Variants in NLGN4X observed in about 807,000 individuals in gnomAD.
NLGN4X encodes neuroligin 4 X-linked, also known as neuroligin-4, X-linked.
NLGN4X carries 3 observed loss-of-function variants against 40.3 expected under a neutral mutation model. The ratio of observed to expected loss-of-function variants is 0.07; its 90% CI spans 0.03 to 0.19. The LOEUF is 0.19. Ranked by LOEUF, NLGN4X falls within the 10% of genes least tolerant of loss-of-function variation. NLGN4X has a pLI of 1.00. For synonymous variants in NLGN4X, 270 were observed against 306.8 expected (o/e 0.88, Z 1.25); for missense variants, 382 against 708.3 (o/e 0.54, Z 5.23).
intron 1 of NLGN4X, among the ~76,000 whole-genome samples, chrX:6,210,634 A>G (rs376272104): frequency 8.9e-6 from 1 of 112,097 alleles, no homozygotes; most frequent in East Asian, 2.8e-4. Flanking sequence ...AAGACTGTGC[A>G]TTACGGAAAA....
At chrX:5,942,337 G>C (rs1414627184) in intron 3 of NLGN4X, among the ~76,000 whole-genome samples, 1 of 111,161 alleles carries the variant, frequency 9.0e-6, no homozygotes, top group Non-Finnish European at 1.9e-5. Context: ...GGGAGGAGTG[G>C]TTCACTAATT....
At chrX:6,063,525 T>C (rs762728702) in intron 2 of NLGN4X, among the ~76,000 whole-genome samples, 26 of 111,683 alleles carry the variant, frequency 2.3e-4, no homozygotes, top group Non-Finnish European at 4.1e-4. Flanking sequence ...TTGTTTTCCA[T>C]CCACCTATAG....
rs151239441 is a variant in NLGN4X at position 6,053,574 on chromosome X, G to A, written c.473-24142C>T. Reference sequence around the variant, plus strand: ...TAGGAGGTCAAATCCCTGCATTTACGGGCATATGACTATGCATTTCCATCC... The same window carrying A: ...TAGGAGGTCAAATCCCTGCATTTACAGGCATATGACTATGCATTTCCATCC... On this transcript the variant is annotated intron_variant, in intron 2 of 5. Transcript: ENST00000381095. Among the ~76,000 whole-genome samples, 557 of 111,023 alleles carry A rather than the reference G, an allele frequency of 5.0e-3. 5 individuals are homozygous for A. The highest frequency in any genetic ancestry group is 0.018 in the African/African-American group (538 of 30,524).
rs766534185 is a variant in NLGN4X, at chrX:5,912,339, C to T, written c.626-3100G>A. ...TTTTCCACACCCCTATCATTGCATCCTCAACCAATCAGCAGCACTCATTCC... is the reference window on the plus strand; with the variant it reads ...TTTTCCACACCCCTATCATTGCATCTTCAACCAATCAGCAGCACTCATTCC... On this transcript the variant is annotated intron_variant, in intron 3 of 5. Coordinates refer to ENST00000381095, the MANE Select transcript of NLGN4X (RefSeq NM_181332.3). Among the ~76,000 whole-genome samples the T allele has an allele frequency of 4.5e-5, 5 of 111,451 alleles. No homozygotes were observed. The South Asian group carries it at 1.5e-3, about 34-fold the overall frequency.
chrX:6,200,527 A>G (rs370993486), intron 1 of NLGN4X, among the ~76,000 whole-genome samples: 1 of 111,107 alleles, frequency 9.0e-6, no homozygotes, highest in Admixed American at 9.6e-5. Flanking sequence ...TTTGGGGTTC[A>G]TTCTCAGTGT....
At chrX:6,079,051 A>G (rs769976428) in intron 2 of NLGN4X, among the ~76,000 whole-genome samples, 1 of 110,386 alleles carries the variant, frequency 9.1e-6, no homozygotes, top group Admixed American at 9.8e-5. Context: ...ATGATTGTAA[A>G]TTTCCTGAGG....
At chrX:6,076,127 C>A (rs779524248) in intron 2 of NLGN4X, among the ~76,000 whole-genome samples, 2 of 112,029 alleles carry the variant, frequency 1.8e-5, no homozygotes, top group Non-Finnish European at 3.8e-5. Flanking sequence ...TATGCTAAAT[C>A]TCTGTATAGC....
At chrX:6,085,054 T>G (rs190485082) in intron 2 of NLGN4X, among the ~76,000 whole-genome samples, 10 of 108,871 alleles carry the variant, frequency 9.2e-5, no homozygotes, top group African/African-American at 3.3e-4. Context: ...CACAAGAAAT[T>G]GATATCTGGA....
At chrX:5,959,697 AT>A (rs2034597618) in intron 3 of NLGN4X, among the ~76,000 whole-genome samples, 1 of 111,919 alleles carries the variant, frequency 8.9e-6, no homozygotes, top group Non-Finnish European at 1.9e-5. Context: ...CATACCGTGC[AT>A]TTGACATCAC....
At chrX:6,165,962 C>T (rs1362289937) in intron 1 of NLGN4X, among the ~76,000 whole-genome samples, 1 of 111,628 alleles carries the variant, frequency 9.0e-6, no homozygotes, top group Non-Finnish European at 1.9e-5. Context: ...AAGCATTTAT[C>T]CTTTGCCACC....
chrX:5,913,272 T>C (rs1326092309), intron 3 of NLGN4X, among the ~76,000 whole-genome samples: 1 of 111,509 alleles, frequency 9.0e-6, no homozygotes, highest in Non-Finnish European at 1.9e-5. Context: ...CCTAAACCAC[T>C]GGGTTTTGCC....
At chrX:5,937,025 CA>C (rs1208254116) in intron 3 of NLGN4X, among the ~76,000 whole-genome samples, 4 of 111,214 alleles carry the variant, frequency 3.6e-5, no homozygotes, top group African/African-American at 9.8e-5. Context: ...AGTTTCTCCC[CA>C]AATCCTCAGT....
At chrX:6,150,846 A>G in intron 2 of NLGN4X, 149 bp downstream of exon 2, 2 of 529,863 alleles carry the variant, frequency 3.8e-6, no homozygotes. Flanking sequence ...AGTTGCTGCA[A>G]GAATTGCATT....
At chrX:6,172,798 T>C (rs2040637303) in intron 1 of NLGN4X, among the ~76,000 whole-genome samples, 2 of 112,125 alleles carry the variant, frequency 1.8e-5, no homozygotes, top group African/African-American at 6.5e-5. Context: ...GTACAGTAAA[T>C]AAGTAATAGG....
At chrX:5,977,475 GC>G (rs968433863) in intron 3 of NLGN4X, among the ~76,000 whole-genome samples, 1 of 110,849 alleles carries the variant, frequency 9.0e-6, no homozygotes, top group Non-Finnish European at 1.9e-5. Flanking sequence ...TCCTGCCTTG[GC>G]CTTCCCAAAT....
intron 1 of NLGN4X, among the ~76,000 whole-genome samples, chrX:6,175,661 A>AAAAAAC (rs1218401088): frequency 9.3e-6 from 1 of 107,504 alleles, no homozygotes; most frequent in Admixed American, 1.0e-4. Context: ...TACAGAAAAA[A>AAAAAAC]AAAAAAAAAA....
chrX:6,205,776 TAGGATACTACCTGACTTCTG>T (rs1455852962), intron 1 of NLGN4X, among the ~76,000 whole-genome samples: 1 of 112,218 alleles, frequency 8.9e-6, no homozygotes, highest in Non-Finnish European at 1.9e-5. Context: ...ACTGTGCTTT[TAGGATACTACCTGACTTCTG>T]AGGATCTAGA....
intron 5 of NLGN4X, among the ~76,000 whole-genome samples, chrX:5,901,228 C>T (rs900019935): frequency 2.7e-5 from 3 of 112,396 alleles, no homozygotes; most frequent in South Asian, 3.7e-4. Context: ...CTGCTAAACA[C>T]GTAGGCATTG....
chrX:6,114,591 GA>G (rs2039234175), intron 2 of NLGN4X, among the ~76,000 whole-genome samples: 1 of 109,135 alleles, frequency 9.2e-6, no homozygotes, highest in South Asian at 3.9e-4. Context: ...CTTGGAATAA[GA>G]AAGTTTACTT....
Sources: gnomAD v4.1 joint callset for allele counts (sites outside exome capture counted in the v4.1 genomes callset) on GRCh38, gnomAD v4.1.1 for gene constraint, MANE v1.5 for transcripts, NCBI Gene and HGNC (gene_info 2026-07-23, HGNC 2026-07-21) for gene names.